Variants in LRP1B observed in about 807,000 individuals in gnomAD.
The protein encoded by LRP1B is low-density lipoprotein receptor-related protein 1B.
In LRP1B, 217 loss-of-function variants were observed where a neutral mutation model predicts 556.6. That is an observed-to-expected ratio of 0.39 (90% CI 0.35 to 0.44). The LOEUF (loss-of-function observed/expected upper bound fraction) is 0.44, where lower values mean the gene tolerates loss of function less well. Among genes scored for constraint, LRP1B ranks in the 20% least tolerant of loss-of-function variants. LRP1B has a pLI of 1.00. For synonymous variants in LRP1B, 2,047 were observed against 1,865.8 expected (o/e 1.10, Z -2.50); for missense variants, 5,053 against 5,620.8 (o/e 0.90, Z 3.23).
Position 141,460,487 on chromosome 2 carries a change from TGGA to T in LRP1B, c.343+19906_343+19908del, listed in dbSNP as rs1252407500. On this transcript the variant is annotated intron_variant, in intron 3 of 90. Transcript: ENST00000389484. Reference sequence around the variant, plus strand: ...GGTTATACAGGGTTTCAACTGTCATTGGAGGAGTTTACGTTTCATTTTGAATGT... The same window carrying T: ...GGTTATACAGGGTTTCAACTGTCATTGGAGTTTACGTTTCATTTTGAATGT... Among the ~76,000 whole-genome samples, 8 of 152,150 alleles carry T rather than the reference TGGA, an allele frequency of 5.3e-5. 1 individual carries two copies.
At chr2:141,868,994 C>A (rs1027054796) in intron 1 of LRP1B, among the ~76,000 whole-genome samples, 1 of 151,932 alleles carries the variant, frequency 6.6e-6, no homozygotes, top group Non-Finnish European at 1.5e-5. Flanking sequence ...TTAGCAGTAC[C>A]CATCAATTGG....
At chr2:141,155,532 G>A (rs1000186752) in intron 7 of LRP1B, among the ~76,000 whole-genome samples, 2 of 151,068 alleles carry the variant, frequency 1.3e-5, no homozygotes, top group East Asian at 3.9e-4. Context: ...GAACGTGCAG[G>A]TTTGTTACAT....
At chr2:140,943,759 T>A (rs992524788) in intron 20 of LRP1B, among the ~76,000 whole-genome samples, 5 of 151,980 alleles carry the variant, frequency 3.3e-5, no homozygotes, top group Admixed American at 3.3e-4. Flanking sequence ...ACCTCTGGGA[T>A]TTGACAAAAG....
chr2:140,271,860 GTCCT>G (rs1486340275), intron 85 of LRP1B, among the ~76,000 whole-genome samples: 1 of 151,804 alleles, frequency 6.6e-6, no homozygotes, highest in African/African-American at 2.4e-5. Context: ...ACTTTTACTT[GTCCT>G]CCATGCCCAG....
intron 1 of LRP1B, among the ~76,000 whole-genome samples, chr2:141,959,722 T>C (rs1701350839): frequency 1.3e-5 from 2 of 152,112 alleles, no homozygotes; most frequent in Non-Finnish European, 2.9e-5. Flanking sequence ...ATGAGATATT[T>C]TACATTTTTG....
At chr2:142,088,905 G>C (rs1706051733) in intron 1 of LRP1B, among the ~76,000 whole-genome samples, 1 of 149,346 alleles carries the variant, frequency 6.7e-6, no homozygotes. Flanking sequence ...AACCTGGCAG[G>C]CGGAGCTTGC....
At chr2:141,163,923 T>C (rs1167776600) in intron 7 of LRP1B, among the ~76,000 whole-genome samples, 2 of 152,114 alleles carry the variant, frequency 1.3e-5, no homozygotes, top group East Asian at 3.9e-4. Flanking sequence ...GTTAAATATT[T>C]GGATATATTC....
At chr2:141,006,111 G>A (rs754535965) in intron 14 of LRP1B, among the ~76,000 whole-genome samples, 60 of 152,098 alleles carry the variant, frequency 3.9e-4, no homozygotes, top group Admixed American at 1.2e-3. Flanking sequence ...CATTATTCAT[G>A]AACGTATGTG....
intron 3 of LRP1B, among the ~76,000 whole-genome samples, chr2:141,480,159 TTGTGTG>T (rs5834837): frequency 4.7e-5 from 7 of 149,970 alleles, no homozygotes; most frequent in South Asian, 2.1e-4. Context: ...AAGTCTAAAT[TTGTGTG>T]TGTGTGTGTG....
rs976366137 is a variant in LRP1B at position 140,518,739 on chromosome 2, T to A, written c.8027-1728A>T. On this transcript the variant is annotated intron_variant, in intron 49 of 90. Transcript: ENST00000389484. ...TCATGATTTGGCTCTCTGTCTGTTA[T>A]TGGTGTATAAGAATGCTTGCGATTT... Among the ~76,000 whole-genome samples, 5 of 152,168 alleles carry A rather than the reference T, an allele frequency of 3.3e-5. 1 individual carries two copies. The East Asian group carries it at 9.6e-4, about 29-fold the overall frequency.
At chr2:141,815,199 A>G (rs1696494943) in intron 1 of LRP1B, among the ~76,000 whole-genome samples, 1 of 152,208 alleles carries the variant, frequency 6.6e-6, no homozygotes, top group Non-Finnish European at 1.5e-5. Context: ...ACTTGCCCTG[A>G]AGAAAAAGGA....
intron 20 of LRP1B, among the ~76,000 whole-genome samples, chr2:140,929,158 A>C (rs1694974349): frequency 6.6e-6 from 1 of 152,184 alleles, no homozygotes; most frequent in East Asian, 1.9e-4. Context: ...TCCAGATGCA[A>C]AATGGGAGGC....
intron 2 of LRP1B, among the ~76,000 whole-genome samples, chr2:141,570,751 C>A (rs1356665264): frequency 6.6e-5 from 10 of 151,412 alleles, no homozygotes; most frequent in African/African-American, 2.4e-4. Flanking sequence ...TGTATCAAGA[C>A]TTCTCCCCAC....
At chr2:140,491,371 T>C (rs1435283476) in intron 57 of LRP1B, among the ~76,000 whole-genome samples, 2 of 152,062 alleles carry the variant, frequency 1.3e-5, no homozygotes, top group East Asian at 3.9e-4. Context: ...TGTGTATATA[T>C]ATACAGCTTA....
intron 2 of LRP1B, among the ~76,000 whole-genome samples, chr2:141,560,099 C>T (rs1686092113): frequency 6.6e-6 from 1 of 151,310 alleles, no homozygotes; most frequent in Non-Finnish European, 1.5e-5. Context: ...CTGAGACATG[C>T]AAAAAGAAAA....
Position 141,090,959 on chromosome 2 carries a change from C to T in LRP1B, c.1014-28686G>A, listed in dbSNP as rs528106538. 7.9e-5 allele frequency among the ~76,000 whole-genome samples: 12 copies of T among 152,098 alleles called. No homozygotes were observed. In the South Asian group the frequency reaches 1.0e-3, roughly 13 times the overall value. On this transcript the variant is annotated intron_variant, in intron 7 of 90. Coordinates refer to ENST00000389484, the MANE Select transcript of LRP1B (RefSeq NM_018557.3). ...TAAAAGGTTGTATTTCTAGTGTTTTCAATTGTATTATTTCTAGTTTCTGAT... is the reference window on the plus strand; with the variant it reads ...TAAAAGGTTGTATTTCTAGTGTTTTTAATTGTATTATTTCTAGTTTCTGAT...
chr2:140,420,289 C>A (rs752922576), intron 66 of LRP1B, among the ~76,000 whole-genome samples: 1 of 152,014 alleles, frequency 6.6e-6, no homozygotes, highest in Non-Finnish European at 1.5e-5. Flanking sequence ...AATAAGCCCA[C>A]AAAATGCTGT....
intron 33 of LRP1B, among the ~76,000 whole-genome samples, chr2:140,773,669 TA>T (rs1179177158): frequency 8.0e-6 from 1 of 125,272 alleles, no homozygotes; most frequent in Non-Finnish European, 1.7e-5. Flanking sequence ...TGATAAATAA[TA>T]AAATATATTT....
At chr2:141,617,063 C>CAA (rs1688329192) in intron 2 of LRP1B, among the ~76,000 whole-genome samples, 2 of 152,072 alleles carry the variant, frequency 1.3e-5, no homozygotes, top group African/African-American at 2.4e-5. Context: ...TTATTCAGTC[C>CAA]CTCTTTTTAT....
Sources: gnomAD v4.1 joint callset for allele counts (sites outside exome capture counted in the v4.1 genomes callset) on GRCh38, gnomAD v4.1.1 for gene constraint, MANE v1.5 for transcripts, NCBI Gene and HGNC (gene_info 2026-07-23, HGNC 2026-07-21) for gene names.